Variants in BHMT2 observed in about 807,000 individuals in gnomAD.
BHMT2 encodes the protein S-methylmethionine--homocysteine S-methyltransferase BHMT2.
A neutral mutation model predicts 39.0 loss-of-function variants in BHMT2; 28 were observed. That is an observed-to-expected ratio of 0.72 (90% CI 0.53 to 0.98). The LOEUF is 0.98. Ranked by LOEUF, BHMT2 falls within the 50% of genes least tolerant of loss-of-function variation. The pLI, the probability that BHMT2 is intolerant of heterozygous loss-of-function variation, is 0.00. For missense variants in BHMT2, 410 were observed against 455.6 expected (o/e 0.90, Z 0.91); for synonymous variants, 145 against 160.6 (o/e 0.90, Z 0.74).
chr5:79,080,424 G>T (rs2112699615), intron 3 of BHMT2, among the ~76,000 whole-genome samples: 1 of 152,276 alleles, frequency 6.6e-6, no homozygotes, highest in African/African-American at 2.4e-5. Context: ...TTGATACAAA[G>T]GCATAGACCC....
chr5:79,071,822 T>TAAAAAAAA (rs60114073), intron 1 of BHMT2, among the ~76,000 whole-genome samples: 63 of 103,386 alleles, frequency 6.1e-4, no homozygotes, highest in African/African-American at 1.7e-3. Context: ...AACTTAAAAG[T>TAAAAAAAA]AAAAAAAAAA....
chr5:79,084,460 G>A (rs1210901333), intron 7 of BHMT2, among the ~76,000 whole-genome samples: 2 of 152,116 alleles, frequency 1.3e-5, no homozygotes, highest in African/African-American at 4.8e-5. Flanking sequence ...TTTTAGTAGA[G>A]ACGGGGTTTC....
chr5:79,083,218 C>A lies in BHMT2; in HGVS notation c.625C>A (p.Arg209Ser). Reference sequence around the variant, plus strand: ...GGCTTCCATCGTTGGCGTGAACTGCCGCTTTGGGCCCGACACCAGCTTGAA... The same window carrying A: ...GGCTTCCATCGTTGGCGTGAACTGCAGCTTTGGGCCCGACACCAGCTTGAA... ...AGASIVGVNC[R>S]FGPDTSLKTM... Residue 209 changes from arginine to serine, a missense_variant, in exon 6 of 8, where the codon CGC (arginine) becomes AGC (serine). By Grantham distance (110) the Arg-to-Ser change is moderately radical. Coordinates refer to ENST00000255192, the MANE Select transcript of BHMT2 (RefSeq NM_017614.5). 6.2e-7 allele frequency: 1 copy of A among 1,614,068 alleles called. No homozygotes were observed. The highest frequency in any genetic ancestry group is 1.1e-5 in the South Asian group (1 of 91,076).
intron 1 of BHMT2, among the ~76,000 whole-genome samples, chr5:79,074,481 G>T (rs959092701): frequency 6.6e-6 from 1 of 152,204 alleles, no homozygotes; most frequent in African/African-American, 2.4e-5. Flanking sequence ...CTGTAACCAA[G>T]ATCAAATTAG....
chr5:79,083,405 T>C, intron 6 of BHMT2, 31 bp downstream of exon 6: 11 of 1,549,204 alleles, frequency 7.1e-6, no homozygotes, highest in Non-Finnish European at 9.5e-6. Flanking sequence ...GAGGTCCTTG[T>C]ATTTCTCGTG....
intron 7 of BHMT2, among the ~76,000 whole-genome samples, chr5:79,086,435 C>T (rs910855353): frequency 6.6e-6 from 1 of 152,202 alleles, no homozygotes. Flanking sequence ...TGTCTTGCAA[C>T]TCCCCTTGAT....
chr5:79,082,366 A>G (rs1337682789), intron 4 of BHMT2: 1 of 158,616 alleles, frequency 6.3e-6, no homozygotes, highest in African/African-American at 2.4e-5. Flanking sequence ...ATATCTAACT[A>G]GAAGTGAATA....
At position 79,077,508 on chromosome 5, in the gene BHMT2, A is replaced by C. The variant is rs1755694229; in HGVS notation, c.62A>C (p.Glu21Ala). The change falls in exon 2 of 8, where the codon GAG becomes GCG. Residue 21 changes from glutamate (E) to alanine (A), a missense_variant. Physicochemically the swap from Glu to Ala is moderately radical, Grantham distance 107 (BLOSUM62 -1). Coordinates refer to ENST00000255192, the MANE Select transcript of BHMT2 (RefSeq NM_017614.5). ...KGILERLESG[E>A]VVIGDGSFLI... Reference sequence around the variant, plus strand: ...ATTTTGGAGCGCCTGGAGAGTGGGGAGGTTGTGATTGGAGATGGCAGCTTT... The same window carrying C: ...ATTTTGGAGCGCCTGGAGAGTGGGGCGGTTGTGATTGGAGATGGCAGCTTT... 6.2e-7 allele frequency: 1 copy of C among 1,610,840 alleles called. No homozygotes were observed. Among genetic ancestry groups the C allele is most frequent in the African/African-American group, 1.4e-5 (1 of 73,870 alleles).
chr5:79,075,192 G>A (rs1043757945), intron 1 of BHMT2, among the ~76,000 whole-genome samples: 6 of 152,182 alleles, frequency 3.9e-5, no homozygotes, highest in African/African-American at 1.4e-4. Flanking sequence ...TCTGTGGGCT[G>A]TCATGTGCTG....
In BHMT2 at chr5:79,084,265, TTTTGTTTG is replaced by T. The variant is rs545194685; in HGVS notation, c.1010+429_1010+436del. ...ACAGCTCCCTGGGGCCTCTTGTCTT[TTTTGTTTG>T]TTTGTTTGTTTGTTTGTTTCTGAGA... On this transcript the variant is annotated intron_variant, in intron 7 of 7. Transcript: ENST00000255192. Among the ~76,000 whole-genome samples the T allele has an allele frequency of 1.5e-3, 225 of 149,522 alleles. 1 individual carries two copies. The highest frequency in any genetic ancestry group is 2.3e-3 in the Non-Finnish European group (154 of 67,954).
chr5:79,070,056 C>T (rs1755526752), intron 1 of BHMT2, among the ~76,000 whole-genome samples: 1 of 152,218 alleles, frequency 6.6e-6, no homozygotes, highest in Non-Finnish European at 1.5e-5. Flanking sequence ...TCACAATTAT[C>T]CCCATTTCAC....
chr5:79,082,765 C>A, intron 4 of BHMT2, 44 bp from the exon 5 acceptor site: 1 of 1,597,954 alleles, frequency 6.3e-7, no homozygotes, highest in Non-Finnish European at 8.5e-7. Context: ...CATTCAAAAT[C>A]TGCTTTATGT....
chr5:79,075,607 C>T (rs1755657719), intron 1 of BHMT2, among the ~76,000 whole-genome samples: 1 of 152,176 alleles, frequency 6.6e-6, no homozygotes, highest in Non-Finnish European at 1.5e-5. Context: ...TCCACTGATG[C>T]AGCCTACAAA....
At chr5:79,075,414 G>A (rs575055716) in intron 1 of BHMT2, among the ~76,000 whole-genome samples, 1 of 152,210 alleles carries the variant, frequency 6.6e-6, no homozygotes, top group African/African-American at 2.4e-5. Context: ...AGCTGCCTAT[G>A]TACCCTGCTT....
At position 79,072,210 on chromosome 5, in the gene BHMT2, T is replaced by G. The variant is rs536372301; in HGVS notation, c.33+2395T>G. On this transcript the variant is annotated intron_variant, in intron 1 of 7. Coordinates refer to ENST00000255192, the MANE Select transcript of BHMT2 (RefSeq NM_017614.5). ...TGAACCCTGGAGGTGGAGGTTGCAG[T>G]GAGCTGAGATCGCGCTACTGCACTC... Among the ~76,000 whole-genome samples, 3 of 151,722 alleles carry G rather than the reference T, an allele frequency of 2.0e-5. No individual in the cohort carries two copies. In the South Asian group the frequency reaches 6.2e-4, roughly 32 times the overall value.
chr5:79,088,358 CTGTGTGTGTGTGTGTGTGTG>C lies in BHMT2; in HGVS notation c.1011-114_1011-95del, dbSNP rs202040828. 3.6e-3 allele frequency: 1,109 copies of C among 304,626 alleles called. 9 individuals carry two copies. The highest frequency in any genetic ancestry group is 0.024 in the African/African-American group (1,041 of 42,654). 18.9% of individuals were successfully genotyped at this position (304,626 alleles called of 1,614,324 possible). On this transcript the variant is annotated intron_variant, in intron 7 of 7. Coordinates refer to ENST00000255192, the MANE Select transcript of BHMT2 (RefSeq NM_017614.5). ...AGCCTGATTATCCACCAAGTTTTGA[CTGTGTGTGTGTGTGTGTGTG>C]TGTGTGTGTGTGTGTGTGTGGTTAT...
At chr5:79,070,493 G>A (rs559467424) in intron 1 of BHMT2, among the ~76,000 whole-genome samples, 13 of 152,224 alleles carry the variant, frequency 8.5e-5, no homozygotes, top group Non-Finnish European at 1.3e-4. Context: ...GAGTATGTGT[G>A]GGGGTGGGAT....
rs145234986 is a variant in BHMT2, at chr5:79,082,926, G to A, written c.568G>A (p.Gly190Arg). ...GGGAGACATGCATGATATAACCCCC[G>A]GAGAATGTGCTGTGAGGCTGGTGAA... is the stretch of plus-strand genomic sequence containing the variant. ...PEGDMHDITP[G>R]ECAVRLVKAG... The change falls in exon 5 of 8, where the codon GGA becomes AGA. Residue 190 changes from glycine (G) to arginine (R), a missense_variant. Physicochemically the swap from Gly to Arg is moderately radical, Grantham distance 125 (BLOSUM62 -2). Transcript: ENST00000255192. 110 of 1,614,022 alleles carry A rather than the reference G, an allele frequency of 6.8e-5. No homozygotes were observed. The highest frequency in any genetic ancestry group is 4.9e-4 in the Middle Eastern group (3 of 6,084).
chr5:79,082,959 A>G lies in BHMT2; in HGVS notation c.598+3A>G, dbSNP rs1234457133. On this transcript the variant is annotated splice_donor_region_variant and intron_variant, in intron 5 of 7. Transcript: ENST00000255192. ...TGCTGTGAGGCTGGTGAAGGCAGGT[A>G]ATTTGGACCCATACCGTGATACACA... is the stretch of plus-strand genomic sequence containing the variant. 1.3e-5 allele frequency: 21 copies of G among 1,614,128 alleles called. No individual in the cohort carries two copies. The East Asian group carries it at 4.2e-4, about 33-fold the overall frequency.
Sources: gnomAD v4.1 joint callset for allele counts (sites outside exome capture counted in the v4.1 genomes callset) on GRCh38, gnomAD v4.1.1 for gene constraint, MANE v1.5 for transcripts, NCBI Gene and HGNC (gene_info 2026-07-23, HGNC 2026-07-21) for gene names.